ARHGAP24: variants seen among roughly 807,000 people sequenced by gnomAD.
ARHGAP24 encodes the protein rho GTPase-activating protein 24.
ARHGAP24 carries 50 observed loss-of-function variants against 76.4 expected under a neutral mutation model. The ratio of observed to expected loss-of-function variants is 0.65; its 90% CI spans 0.52 to 0.83. The LOEUF (loss-of-function observed/expected upper bound fraction) is 0.83, where lower values mean the gene tolerates loss of function less well. Among genes scored for constraint, ARHGAP24 ranks in the 40% least tolerant of loss-of-function variants. The pLI is 0.00. For missense variants in ARHGAP24, 930 were observed against 914.2 expected (o/e 1.02, Z -0.22); for synonymous variants, 345 against 323.3 (o/e 1.07, Z -0.72).
At chr4:85,867,661 C>T (rs745655197) in intron 3 of ARHGAP24, among the ~76,000 whole-genome samples, 1 of 151,562 alleles carries the variant, frequency 6.6e-6, no homozygotes, top group Non-Finnish European at 1.5e-5. Flanking sequence ...TATCAGCTCC[C>T]CTTCTTTTTT....
chr4:85,859,152 C>T (rs1388352985), intron 3 of ARHGAP24, among the ~76,000 whole-genome samples: 1 of 151,804 alleles, frequency 6.6e-6, no homozygotes, highest in East Asian at 1.9e-4. Flanking sequence ...GGAGGTTTGA[C>T]ACCCACTTCT....
intron 2 of ARHGAP24, among the ~76,000 whole-genome samples, chr4:85,708,617 G>A (rs191962258): frequency 1.1e-4 from 16 of 152,158 alleles, no homozygotes; most frequent in East Asian, 3.9e-4. Context: ...TATCTTACTC[G>A]TCTTCCTGCT....
At chr4:85,978,687 A>G (rs1739475163) in intron 8 of ARHGAP24, among the ~76,000 whole-genome samples, 1 of 152,048 alleles carries the variant, frequency 6.6e-6, no homozygotes. Context: ...AATACGTGCA[A>G]TACAGAACAC....
rs528668045 is a variant in ARHGAP24, at chr4:85,563,141, A to G, written c.-20-7381A>G. ...AGACTGAAATACAAAGTTCCCTATG[A>G]GTCAAGAAGGCTGCCTTTGTTACTC... On this transcript the variant is annotated intron_variant, in intron 1 of 9. Coordinates refer to ENST00000395184, the MANE Select transcript of ARHGAP24 (RefSeq NM_001025616.3). Among the ~76,000 whole-genome samples, 17 of 152,304 alleles carry G rather than the reference A, an allele frequency of 1.1e-4. 2 individuals carry two copies. The South Asian group carries it at 3.5e-3, about 32-fold the overall frequency.
At chr4:85,873,414 A>T (rs1732651839) in intron 3 of ARHGAP24, among the ~76,000 whole-genome samples, 1 of 152,064 alleles carries the variant, frequency 6.6e-6, no homozygotes, top group Non-Finnish European at 1.5e-5. Context: ...ATCTTTAGTC[A>T]TAAATCAATT....
At chr4:85,876,073 T>G (rs1732918997) in intron 3 of ARHGAP24, among the ~76,000 whole-genome samples, 1 of 152,094 alleles carries the variant, frequency 6.6e-6, no homozygotes, top group African/African-American at 2.4e-5. Context: ...ATGGCATTAT[T>G]TTTCAAAATA....
chr4:85,924,340 T>C (rs1735900019), intron 4 of ARHGAP24, among the ~76,000 whole-genome samples: 2 of 151,894 alleles, frequency 1.3e-5, no homozygotes, highest in East Asian at 3.8e-4. Context: ...GTGCTATGCA[T>C]AGAACTGAAC....
chr4:85,775,597 C>G (rs1317680751), intron 3 of ARHGAP24, among the ~76,000 whole-genome samples: 1 of 152,110 alleles, frequency 6.6e-6, no homozygotes, highest in African/African-American at 2.4e-5. Context: ...TCAGTTATCT[C>G]CCACTGGGTC....
chr4:85,877,456 C>A (rs1733001008), intron 3 of ARHGAP24, among the ~76,000 whole-genome samples: 1 of 151,960 alleles, frequency 6.6e-6, no homozygotes, highest in Non-Finnish European at 1.5e-5. Context: ...AAAATCCCAT[C>A]TCTACAAAAA....
intron 2 of ARHGAP24, among the ~76,000 whole-genome samples, chr4:85,681,702 G>A (rs565761526): frequency 1.3e-5 from 2 of 152,304 alleles, no homozygotes; most frequent in South Asian, 2.1e-4. Context: ...AAACACAATA[G>A]GTAACAGTTC....
chr4:85,487,375 AT>A (rs1295054435), intron 1 of ARHGAP24, among the ~76,000 whole-genome samples: 1 of 114,712 alleles, frequency 8.7e-6, no homozygotes, highest in Non-Finnish European at 1.6e-5. Flanking sequence ...ATAAATATAT[AT>A]TTATATATAT....
chr4:85,903,498 G>A (rs922314002), intron 3 of ARHGAP24, among the ~76,000 whole-genome samples: 1 of 151,884 alleles, frequency 6.6e-6, no homozygotes, highest in African/African-American at 2.4e-5. Context: ...TTTAAAAGCT[G>A]TAAAAATTAT....
intron 2 of ARHGAP24, among the ~76,000 whole-genome samples, chr4:85,649,859 G>T (rs1190083814): frequency 1.3e-5 from 2 of 152,020 alleles, no homozygotes; most frequent in Non-Finnish European, 2.9e-5. Context: ...TGTATTTTTT[G>T]ATATTCATTA....
chr4:85,768,947 A>G (rs1727028512), intron 3 of ARHGAP24, among the ~76,000 whole-genome samples: 1 of 152,320 alleles, frequency 6.6e-6, no homozygotes, highest in African/African-American at 2.4e-5. Context: ...ACTGGGATTA[A>G]TAGACCCCAC....
intron 2 of ARHGAP24, among the ~76,000 whole-genome samples, chr4:85,703,777 C>T (rs1724193004): frequency 6.6e-6 from 1 of 152,138 alleles, no homozygotes; most frequent in Admixed American, 6.6e-5. Flanking sequence ...CAGACTAAGG[C>T]ACTCTCCAAC....
intron 3 of ARHGAP24, among the ~76,000 whole-genome samples, chr4:85,727,426 T>G (rs1725209426): frequency 6.6e-6 from 1 of 152,038 alleles, no homozygotes; most frequent in African/African-American, 2.4e-5. Flanking sequence ...TAGATAGAGA[T>G]GCCCACTTAC....
chr4:85,804,806 A>T (rs72976751), intron 3 of ARHGAP24, among the ~76,000 whole-genome samples: 21,069 of 152,180 alleles, frequency 0.14, 1,587 homozygotes, highest in South Asian at 0.19. Context: ...TACACTCAGA[A>T]TGTACAGCAT....
At chr4:85,519,289 A>C (rs1254074710) in intron 1 of ARHGAP24, among the ~76,000 whole-genome samples, 3 of 151,998 alleles carry the variant, frequency 2.0e-5, no homozygotes, top group Non-Finnish European at 4.4e-5. Flanking sequence ...ATTGTTCTAT[A>C]TATTTACTTT....
chr4:85,713,025 T>C (rs1724584669), intron 2 of ARHGAP24, among the ~76,000 whole-genome samples: 1 of 152,170 alleles, frequency 6.6e-6, no homozygotes. Flanking sequence ...AGGCTGGGCG[T>C]GGTGGCTCAC....
Sources: gnomAD v4.1 joint callset for allele counts (sites outside exome capture counted in the v4.1 genomes callset) on GRCh38, gnomAD v4.1.1 for gene constraint, MANE v1.5 for transcripts, NCBI Gene and HGNC (gene_info 2026-07-23, HGNC 2026-07-21) for gene names.